The following DNER variants were observed in gnomAD, a reference collection of about 807,000 sequenced individuals.
DNER encodes the protein delta/notch like EGF repeat containing.
In DNER, 33 loss-of-function variants were observed where a neutral mutation model predicts 78.2. The observed-to-expected ratio is 0.42, with a 90% confidence interval of 0.32 to 0.56. The LOEUF (loss-of-function observed/expected upper bound fraction) is 0.56. Among genes scored for constraint, DNER ranks in the 20% least tolerant of loss-of-function variants. DNER has a pLI of 0.11. For synonymous variants in DNER, 417 were observed against 384.8 expected, an observed-to-expected ratio of 1.08 and a Z score of -0.98; for missense variants, 918 against 975.3, an observed-to-expected ratio of 0.94 and a Z score of 0.78.
chr2:229,633,397 A>G, intron 1 of DNER, among the ~76,000 whole-genome samples: 1 of 152,224 alleles, frequency 6.6e-6, no homozygotes, highest in East Asian at 1.9e-4. Flanking sequence ...AAATTATTGG[A>G]GTTATATTTG....
intron 11 of DNER, among the ~76,000 whole-genome samples, chr2:229,369,934 C>T (rs1294695596): frequency 6.6e-6 from 1 of 152,180 alleles, no homozygotes; most frequent in Admixed American, 6.5e-5. Context: ...TCCCCACCCA[C>T]ACCAGGACAT....
At chr2:229,642,334 A>G (rs1041326333) in intron 1 of DNER, among the ~76,000 whole-genome samples, 1 of 152,232 alleles carries the variant, frequency 6.6e-6, no homozygotes, top group Non-Finnish European at 1.5e-5. Flanking sequence ...CTCCTTCTCT[A>G]ATAATGAGAA....
chr2:229,701,654 T>A (rs186969088), intron 1 of DNER: 1 of 152,364 alleles, frequency 6.6e-6, no homozygotes, highest in East Asian at 1.9e-4. Flanking sequence ...TTAAAGAATC[T>A]TTTGAAACTT....
chr2:229,467,667 GA>G (rs1440427060), intron 7 of DNER, among the ~76,000 whole-genome samples: 2 of 152,070 alleles, frequency 1.3e-5, no homozygotes, highest in Non-Finnish European at 2.9e-5. Flanking sequence ...TCTGCTACAA[GA>G]AAAAATGAAA....
chr2:229,655,389 C>A (rs16826294), intron 1 of DNER, among the ~76,000 whole-genome samples: 4,890 of 152,100 alleles, frequency 0.032, 289 homozygotes, highest in African/African-American at 0.11. Flanking sequence ...TAAAAACCTC[C>A]TGGAGTGTTA....
At chr2:229,404,691 T>C (rs1693343083) in intron 10 of DNER, among the ~76,000 whole-genome samples, 1 of 152,174 alleles carries the variant, frequency 6.6e-6, no homozygotes, top group Non-Finnish European at 1.5e-5. Context: ...GTTTGGGGTG[T>C]CTCTGAGATT....
rs545905417 is a variant in DNER, at chr2:229,519,146, A to T, written c.994-6210T>A. ...TTTCTATTTCAATACTTTATGTAAT[A>T]TAGAGCCAAATATCATGAATAAATC... is the stretch of plus-strand genomic sequence containing the variant. On this transcript the variant is annotated intron_variant, in intron 5 of 12. Coordinates refer to ENST00000341772, the MANE Select transcript of DNER (RefSeq NM_139072.4). 2.6e-5 allele frequency among the ~76,000 whole-genome samples: 4 copies of T among 152,170 alleles called. No individual in the cohort carries two copies. In the South Asian group the frequency reaches 8.3e-4, roughly 32 times the overall value.
intron 3 of DNER, among the ~76,000 whole-genome samples, chr2:229,587,742 T>C (rs1006108507): frequency 9.9e-5 from 15 of 152,130 alleles, no homozygotes; most frequent in Admixed American, 2.0e-4. Flanking sequence ...ACCCTAATAC[T>C]GGCCCATACC....
intron 4 of DNER, among the ~76,000 whole-genome samples, chr2:229,579,321 C>G (rs1231185581): frequency 6.6e-6 from 1 of 152,174 alleles, no homozygotes; most frequent in African/African-American, 2.4e-5. Context: ...CTTTGCACAT[C>G]CAGACTACCA....
chr2:229,486,418 C>G (rs951242310), intron 6 of DNER, among the ~76,000 whole-genome samples: 3 of 150,966 alleles, frequency 2.0e-5, no homozygotes, highest in African/African-American at 7.3e-5. Context: ...AAAAATTAAT[C>G]TCAACATTGG....
At chr2:229,503,188 T>C (rs2154212018) in intron 6 of DNER, among the ~76,000 whole-genome samples, 1 of 152,264 alleles carries the variant, frequency 6.6e-6, no homozygotes, top group East Asian at 1.9e-4. Flanking sequence ...TGGGGGTAGG[T>C]TATGCTTTGA....
At position 229,434,925 on chromosome 2, in the gene DNER, TACACAC is replaced by T. The variant is rs58688647; in HGVS notation, c.1486+12385_1486+12390del. 3.0e-4 allele frequency among the ~76,000 whole-genome samples: 39 copies of T among 130,556 alleles called. 1 individual carries two copies. Among genetic ancestry groups the T allele is most frequent in the Non-Finnish European group, 1.1e-4 (7 of 61,664 alleles). 85.6% of individuals were successfully genotyped at this position (130,556 alleles called of 152,430 possible). Reference sequence around the variant, plus strand: ...GAGACAATTTATATATATATATATATACACACACACACACACACACACACGTGCACA... The same window carrying T: ...GAGACAATTTATATATATATATATATACACACACACACACACACGTGCACA... On this transcript the variant is annotated intron_variant, in intron 8 of 12. Coordinates refer to ENST00000341772, the MANE Select transcript of DNER (RefSeq NM_139072.4).
At chr2:229,431,109 ACT>A in intron 8 of DNER, among the ~76,000 whole-genome samples, 1 of 152,346 alleles carries the variant, frequency 6.6e-6, no homozygotes, top group East Asian at 1.9e-4. Flanking sequence ...CTGTAGATGT[ACT>A]GAGTGTAAAT....
intron 7 of DNER, among the ~76,000 whole-genome samples, chr2:229,456,772 C>G (rs4973205): frequency 2.6e-4 from 40 of 151,972 alleles, no homozygotes; most frequent in African/African-American, 8.5e-4. Context: ...AGATGATGAC[C>G]GAGTTTTTCC....
chr2:229,695,013 TC>T (rs1699640594), intron 1 of DNER, among the ~76,000 whole-genome samples: 1 of 152,190 alleles, frequency 6.6e-6, no homozygotes, highest in Admixed American at 6.5e-5. Flanking sequence ...CCCCTGCTGC[TC>T]TTTTCATGAC....
intron 1 of DNER, among the ~76,000 whole-genome samples, chr2:229,667,022 C>A (rs1574552596): frequency 1.3e-5 from 2 of 152,216 alleles, no homozygotes; most frequent in East Asian, 3.8e-4. Context: ...CGGCAGAGGG[C>A]CACCTGGCAT....
chr2:229,597,103 GCA>G (rs1177409997), intron 1 of DNER, among the ~76,000 whole-genome samples: 1 of 62,312 alleles, frequency 1.6e-5, no homozygotes, highest in East Asian at 7.6e-4. Context: ...ACACACACAT[GCA>G]CACACACATG....
At chr2:229,517,527 GC>G (rs2154212470) in intron 5 of DNER, among the ~76,000 whole-genome samples, 1 of 152,316 alleles carries the variant, frequency 6.6e-6, no homozygotes, top group South Asian at 2.1e-4. Context: ...GAGGGGAACA[GC>G]CAGTACAAAG....
chr2:229,508,722 A>T (rs1431904254), intron 6 of DNER, among the ~76,000 whole-genome samples: 1 of 151,816 alleles, frequency 6.6e-6, no homozygotes, highest in Non-Finnish European at 1.5e-5. Flanking sequence ...TCTACTAAAA[A>T]TACAAAAAAT....
Sources: gnomAD v4.1 joint callset for allele counts (sites outside exome capture counted in the v4.1 genomes callset) on GRCh38, gnomAD v4.1.1 for gene constraint, MANE v1.5 for transcripts, NCBI Gene and HGNC (gene_info 2026-07-23, HGNC 2026-07-21) for gene names.